PLD1: variants seen among roughly 807,000 people sequenced by gnomAD.
PLD1 encodes phospholipase D1, also known as choline phosphatase 1.
In PLD1, 112 loss-of-function variants were observed where a neutral mutation model predicts 137.1. That is an observed-to-expected ratio of 0.82 (90% CI 0.70 to 0.96). The LOEUF (loss-of-function observed/expected upper bound fraction) is 0.96. Ranked by LOEUF, PLD1 falls within the 40% of genes least tolerant of loss-of-function variation. The pLI is 0.00. For missense variants in PLD1, 1,321 were observed against 1,342.0 expected, an observed-to-expected ratio of 0.98 and a Z score of 0.24; for synonymous variants, 431 against 454.7, an observed-to-expected ratio of 0.95 and a Z score of 0.66.
intron 19 of PLD1, 82 bp downstream of exon 19, chr3:171,674,418 C>A: frequency 1.7e-6 from 1 of 593,020 alleles, no homozygotes; most frequent in Non-Finnish European, 3.0e-6. Flanking sequence ...AAATCTGAAG[C>A]CAATGTAATA....
chr3:171,711,672 G>A (rs1244965245), intron 9 of PLD1, among the ~76,000 whole-genome samples: 1 of 152,094 alleles, frequency 6.6e-6, no homozygotes, highest in African/African-American at 2.4e-5. Context: ...TGGTGTGAGT[G>A]TGGGAGGTGG....
chr3:171,617,764 T>C (rs1218560915), intron 24 of PLD1, among the ~76,000 whole-genome samples: 1 of 152,058 alleles, frequency 6.6e-6, no homozygotes, highest in Admixed American at 6.5e-5. Flanking sequence ...AAAACAAATA[T>C]TTCCTCATGA....
chr3:171,750,357 A>G (rs1186129303), intron 1 of PLD1, among the ~76,000 whole-genome samples: 1 of 152,210 alleles, frequency 6.6e-6, no homozygotes, highest in Non-Finnish European at 1.5e-5. Context: ...GGGAAAAAAG[A>G]TTTTTAAAGA....
intron 23 of PLD1, among the ~76,000 whole-genome samples, chr3:171,636,847 A>T (rs537468596): frequency 6.6e-6 from 1 of 152,342 alleles, no homozygotes; most frequent in Non-Finnish European, 1.5e-5. Flanking sequence ...CATAGAGGGG[A>T]AAGCTTTCAG....
chr3:171,742,595 G>A lies in PLD1; in HGVS notation c.-31-4513C>T, dbSNP rs140854976. Among the ~76,000 whole-genome samples the A allele has an allele frequency of 4.7e-3, 715 of 152,194 alleles. 5 individuals are homozygous for A. The highest frequency in any genetic ancestry group is 0.016 in the African/African-American group (684 of 41,528). On this transcript the variant is annotated intron_variant, in intron 1 of 26. Transcript: ENST00000351298. Reference sequence around the variant, plus strand: ...ATGTATGAACGTAAAAAAAAATTATGATTAGATAGTTTAAACCCAAACTGA... The same window carrying A: ...ATGTATGAACGTAAAAAAAAATTATAATTAGATAGTTTAAACCCAAACTGA...
intron 8 of PLD1, among the ~76,000 whole-genome samples, chr3:171,717,594 T>C (rs1248937918): frequency 6.6e-6 from 1 of 152,240 alleles, no homozygotes; most frequent in Non-Finnish European, 1.5e-5. Context: ...GAAACATTGC[T>C]GAAGATGTAT....
chr3:171,671,895 C>A (rs9842562), intron 19 of PLD1, among the ~76,000 whole-genome samples: 61,364 of 150,532 alleles, frequency 0.41, 12,781 homozygotes, highest in Non-Finnish European at 0.43. Context: ...ATGCTTCTTG[C>A]CCAATCGAAA....
chr3:171,676,842 G>A lies in PLD1; in HGVS notation c.1997-9C>T, dbSNP rs764986635. 5 of 1,582,692 alleles carry A rather than the reference G, an allele frequency of 3.2e-6. No individual in the cohort carries two copies. The South Asian group carries it at 5.5e-5, about 18-fold the overall frequency. On this transcript the variant is annotated splice_polypyrimidine_tract_variant and intron_variant, in intron 17 of 26. Coordinates refer to ENST00000351298, the MANE Select transcript of PLD1 (RefSeq NM_002662.5). ...GTACCTGTCAATGAAATCTGCCCGG[G>A]TGCACCAGGCAAGGATCAGTCATTA...
chr3:171,776,509 A>T (rs2108336684), intron 1 of PLD1, among the ~76,000 whole-genome samples: 1 of 152,382 alleles, frequency 6.6e-6, no homozygotes. Flanking sequence ...TAACCAAGAC[A>T]GAAGACTTTA....
intron 1 of PLD1, among the ~76,000 whole-genome samples, chr3:171,748,103 C>T (rs573695090): frequency 6.6e-6 from 1 of 152,280 alleles, no homozygotes; most frequent in East Asian, 1.9e-4. Flanking sequence ...ATGCCAAGGG[C>T]ATTTAGATGA....
intron 1 of PLD1, among the ~76,000 whole-genome samples, chr3:171,739,119 G>GAGGC (rs1485902711): frequency 6.6e-6 from 1 of 152,186 alleles, no homozygotes; most frequent in Admixed American, 6.5e-5. Flanking sequence ...TGAGGAAAAT[G>GAGGC]AGGCATCTAA....
At chr3:171,681,025 A>G (rs558488145) in intron 16 of PLD1, among the ~76,000 whole-genome samples, 18 of 152,312 alleles carry the variant, frequency 1.2e-4, no homozygotes, top group Non-Finnish European at 2.4e-4. Flanking sequence ...CTGATTTTCA[A>G]AGTCCTCCGT....
At chr3:171,645,346 G>T (rs1028619672) in intron 21 of PLD1, among the ~76,000 whole-genome samples, 1 of 152,138 alleles carries the variant, frequency 6.6e-6, no homozygotes, top group Non-Finnish European at 1.5e-5. Context: ...GGAAAGAGGC[G>T]GGTAGGGGAG....
intron 1 of PLD1, among the ~76,000 whole-genome samples, chr3:171,777,529 C>T (rs528893636): frequency 1.1e-4 from 17 of 152,348 alleles, no homozygotes; most frequent in African/African-American, 4.1e-4. Context: ...GTTCCTTTAA[C>T]CTGAAGCCAT....
At chr3:171,665,288 T>C (rs886292988) in intron 19 of PLD1, among the ~76,000 whole-genome samples, 2 of 152,184 alleles carry the variant, frequency 1.3e-5, no homozygotes, top group Non-Finnish European at 2.9e-5. Context: ...ATGGCTTTCA[T>C]GGAAGGGGAC....
At chr3:171,737,832 T>C in intron 2 of PLD1, 60 bp downstream of exon 2, 2 of 1,538,124 alleles carry the variant, frequency 1.3e-6, no homozygotes, top group Non-Finnish European at 1.8e-6. Context: ...TTCAAATTTG[T>C]GGTCTTCCGA....
chr3:171,681,745 A>T (rs866918949), intron 16 of PLD1, among the ~76,000 whole-genome samples: 1 of 152,126 alleles, frequency 6.6e-6, no homozygotes, highest in Middle Eastern at 3.2e-3. Context: ...AATATTTAAA[A>T]CTCATGCTCA....
Position 171,792,714 on chromosome 3 carries a change from G to A in PLD1, c.-32+17685C>T, listed in dbSNP as rs1218874871. The A allele has an allele frequency of 6.6e-6, 3 of 456,634 alleles. No homozygotes were observed. The Admixed American group carries it at 7.0e-5, about 11-fold the overall frequency. The allele number at this position is 456,634 out of a possible 1,614,324, so 28.3% of individuals were successfully genotyped here. On this transcript the variant is annotated intron_variant, in intron 1 of 26. Coordinates refer to ENST00000351298, the MANE Select transcript of PLD1 (RefSeq NM_002662.5). ...GCTCCTGGTGACAAAAGGAGTCAAG[G>A]ACATTTCTGCAGGGCACATACCAGG...
At chr3:171,703,977 C>G (rs1477356407) in intron 11 of PLD1, among the ~76,000 whole-genome samples, 1 of 152,166 alleles carries the variant, frequency 6.6e-6, no homozygotes, top group Non-Finnish European at 1.5e-5. Flanking sequence ...AGAGAAAGCA[C>G]ATTGCAGAGC....
Sources: gnomAD v4.1 joint callset for allele counts (sites outside exome capture counted in the v4.1 genomes callset) on GRCh38, gnomAD v4.1.1 for gene constraint, MANE v1.5 for transcripts, NCBI Gene and HGNC (gene_info 2026-07-23, HGNC 2026-07-21) for gene names.